The following LYPLA1 variants were observed in gnomAD, a reference collection of about 807,000 sequenced individuals.
The protein encoded by LYPLA1 is lysophospholipase 1, also known as acyl-protein thioesterase 1.
In LYPLA1, 17 loss-of-function variants were observed where a neutral mutation model predicts 34.0. The ratio of observed to expected loss-of-function variants is 0.50; its 90% CI spans 0.34 to 0.75. LYPLA1 has a LOEUF of 0.75. Among genes scored for constraint, LYPLA1 ranks in the 30% least tolerant of loss-of-function variants. LYPLA1 has a pLI of 0.01. For missense variants in LYPLA1, 203 were observed against 288.8 expected, an observed-to-expected ratio of 0.70 and a Z score of 2.15; for synonymous variants, 98 against 100.8, an observed-to-expected ratio of 0.97 and a Z score of 0.17.
chr8:54,077,711 A>G (rs914176438), intron 2 of LYPLA1, among the ~76,000 whole-genome samples: 18 of 152,240 alleles, frequency 1.2e-4, no homozygotes, highest in African/African-American at 4.1e-4. Flanking sequence ...AGTAAAGTGT[A>G]TGTTCCAACT....
chr8:54,065,275 T>C (rs1806965447), intron 3 of LYPLA1, among the ~76,000 whole-genome samples: 2 of 152,054 alleles, frequency 1.3e-5, no homozygotes, highest in African/African-American at 2.4e-5. Context: ...CTGGCCAACA[T>C]GGTGAAACCC....
At chr8:54,060,687 TC>T (rs1806544488) in intron 5 of LYPLA1, among the ~76,000 whole-genome samples, 1 of 146,948 alleles carries the variant, frequency 6.8e-6, no homozygotes, top group Non-Finnish European at 1.5e-5. Context: ...ACTTTTTTCT[TC>T]CTTTTTTTTT....
chr8:54,097,609 T>C (rs967890899), intron 2 of LYPLA1, among the ~76,000 whole-genome samples: 3 of 152,186 alleles, frequency 2.0e-5, no homozygotes, highest in African/African-American at 7.2e-5. Context: ...TAAAATACCC[T>C]AGTCCTTCTC....
intron 8 of LYPLA1, among the ~76,000 whole-genome samples, chr8:54,048,941 T>C (rs1480420074): frequency 6.6e-6 from 1 of 152,218 alleles, no homozygotes; most frequent in East Asian, 1.9e-4. Context: ...GACTCATCTA[T>C]AGAGCTTTTA....
chr8:54,070,609 G>C (rs1807389447), intron 2 of LYPLA1, among the ~76,000 whole-genome samples: 1 of 152,120 alleles, frequency 6.6e-6, no homozygotes, highest in Admixed American at 6.6e-5. Context: ...TGTAGTACCA[G>C]CGACTGGGGA....
intron 2 of LYPLA1, among the ~76,000 whole-genome samples, chr8:54,074,982 T>C (rs1807780896): frequency 6.6e-6 from 1 of 152,230 alleles, no homozygotes; most frequent in African/African-American, 2.4e-5. Context: ...AGCCAAGCTC[T>C]AGCTACATTT....
intron 5 of LYPLA1, among the ~76,000 whole-genome samples, chr8:54,056,857 G>T (rs1391495782): frequency 3.3e-5 from 5 of 152,082 alleles, no homozygotes; most frequent in Non-Finnish European, 7.3e-5. Context: ...AGGTTGCAGT[G>T]AGCCAAGATT....
intron 2 of LYPLA1, among the ~76,000 whole-genome samples, chr8:54,090,455 T>C (rs1207068973): frequency 6.6e-6 from 1 of 152,242 alleles, no homozygotes; most frequent in Non-Finnish European, 1.5e-5. Context: ...CTCTGTATAC[T>C]GTACTTCTAC....
intron 2 of LYPLA1, among the ~76,000 whole-genome samples, chr8:54,075,439 AT>A (rs1807818696): frequency 6.6e-6 from 1 of 152,200 alleles, no homozygotes; most frequent in South Asian, 2.1e-4. Context: ...GGGCCCCCTG[AT>A]TGCAGCCATG....
At chr8:54,083,243 T>C (rs1586153308) in intron 2 of LYPLA1, among the ~76,000 whole-genome samples, 1 of 152,288 alleles carries the variant, frequency 6.6e-6, no homozygotes, top group East Asian at 1.9e-4. Context: ...ATGACTGCTG[T>C]GCTCTATATT....
intron 2 of LYPLA1, among the ~76,000 whole-genome samples, chr8:54,084,141 A>AATATATATATATATATATATATAT (rs760476706): frequency 8.4e-6 from 1 of 118,628 alleles, no homozygotes; most frequent in African/African-American, 4.6e-5. Flanking sequence ...AAAATAAATA[A>AATATATATATATATATATATATAT]ATATATATAT....
chr8:54,087,214 A>G (rs1432838567), intron 2 of LYPLA1, among the ~76,000 whole-genome samples: 2 of 152,248 alleles, frequency 1.3e-5, no homozygotes, highest in South Asian at 2.1e-4. Context: ...AAACTTATCA[A>G]AAAGGTATAT....
At chr8:54,072,934 C>CAAAAAAAAAAAAAAA (rs59257354) in intron 2 of LYPLA1, among the ~76,000 whole-genome samples, 1 of 91,720 alleles carries the variant, frequency 1.1e-5, no homozygotes. Context: ...AAGACTGAAT[C>CAAAAAAAAAAAAAAA]AAAAAAAAAA....
At chr8:54,062,190 AT>A in intron 5 of LYPLA1, 63 bp downstream of exon 5, 1 of 1,169,194 alleles carries the variant, frequency 8.6e-7, no homozygotes, top group Non-Finnish European at 1.3e-6. Flanking sequence ...TAGCGATATG[AT>A]TACTAAATCT....
At chr8:54,064,617 T>C (rs1028825741) in intron 3 of LYPLA1, among the ~76,000 whole-genome samples, 2 of 152,218 alleles carry the variant, frequency 1.3e-5, no homozygotes, top group Admixed American at 6.5e-5. Flanking sequence ...CATGTTTATG[T>C]ATCTGTCCCA....
chr8:54,074,007 A>G (rs180746444), intron 2 of LYPLA1, among the ~76,000 whole-genome samples: 12 of 152,274 alleles, frequency 7.9e-5, no homozygotes, highest in Admixed American at 7.2e-4. Flanking sequence ...AGGTGTGGTG[A>G]CTCATGCTTG....
chr8:54,080,463 A>G (rs552501262), intron 2 of LYPLA1, among the ~76,000 whole-genome samples: 8 of 152,350 alleles, frequency 5.3e-5, no homozygotes, highest in East Asian at 1.9e-4. Flanking sequence ...AGCTTGACCT[A>G]TATCATGGCT....
chr8:54,096,554 T>C (rs1052716969), intron 2 of LYPLA1, among the ~76,000 whole-genome samples: 4 of 151,922 alleles, frequency 2.6e-5, no homozygotes, highest in South Asian at 4.1e-4. Context: ...CTGACCAACA[T>C]GGTGAAACCC....
At position 54,101,746 on chromosome 8, in the gene LYPLA1, G is replaced by T; in HGVS notation, c.69+9C>A. 2 of 1,300,710 alleles carry T rather than the reference G, an allele frequency of 1.5e-6. No individual in the cohort carries two copies. The highest frequency in any genetic ancestry group is 2.0e-6 in the Non-Finnish European group (2 of 1,015,202). 80.6% of individuals were successfully genotyped at this position (1,300,710 alleles called of 1,614,324 possible). A position where few individuals can be genotyped will look rare whatever the true frequency, so the allele number is the denominator to read the frequency against. ...TGGACCCCTCCGAGCCCACGCCTAC[G>T]CCACTCACCGCAGCGGTGGCCTTCC... On this transcript the variant is annotated intron_variant, in intron 1 of 8. Coordinates refer to ENST00000316963, the MANE Select transcript of LYPLA1 (RefSeq NM_006330.4).
Sources: allele counts gnomAD v4.1 joint callset (sites outside exome capture counted in the v4.1 genomes callset), GRCh38; gene constraint gnomAD v4.1.1; transcripts MANE v1.5; gene names NCBI Gene and HGNC (gene_info 2026-07-23, HGNC 2026-07-21).